Variants in EIF4A3 observed in about 807,000 individuals in gnomAD.
EIF4A3 encodes the protein eukaryotic translation initiation factor 4A3, also known as eukaryotic initiation factor 4A-III.
EIF4A3 carries 1 observed loss-of-function variant against 55.6 expected under a neutral mutation model. The observed-to-expected ratio is 0.02, with a 90% confidence interval of 0.01 to 0.09. The LOEUF is 0.09. EIF4A3 is among the 10% of genes least tolerant of loss of function. EIF4A3 has a pLI of 1.00. For synonymous variants in EIF4A3, 194 were observed against 196.3 expected, an observed-to-expected ratio of 0.99 and a Z score of 0.10; for missense variants, 221 against 540.7, an observed-to-expected ratio of 0.41 and a Z score of 5.86.
rs1162639530 is a variant in EIF4A3 at position 80,135,466 on chromosome 17, C to G, written c.*24G>C. 8 of 1,554,710 alleles carry G rather than the reference C, an allele frequency of 5.1e-6. No individual in the cohort carries two copies. Among genetic ancestry groups the G allele is most frequent in the Non-Finnish European group, 7.0e-6 (8 of 1,148,836 alleles). Reference sequence around the variant, plus strand: ...GGAGTACACAGCAGGTGAACAGTCTCCCTCATCCCACTGATCTGCTGCTTC... The same window carrying G: ...GGAGTACACAGCAGGTGAACAGTCTGCCTCATCCCACTGATCTGCTGCTTC... On this transcript the variant is annotated 3_prime_UTR_variant, in exon 12 of 12. Transcript: ENST00000649764.
intron 3 of EIF4A3, 129 bp from the exon 4 acceptor site, chr17:80,141,510 A>G: frequency 1.9e-6 from 2 of 1,033,058 alleles, no homozygotes; most frequent in Admixed American, 2.5e-5. Context: ...CTTACAGGTT[A>G]GCAAATATTG....
At chr17:80,140,674 A>G (rs137904372) in intron 4 of EIF4A3, among the ~76,000 whole-genome samples, 153 of 152,308 alleles carry the variant, frequency 1.0e-3, no homozygotes, top group African/African-American at 3.7e-3. Flanking sequence ...CAAAAGCTAT[A>G]TCATTAACAG....
chr17:80,143,200 G>T (rs910066281), intron 2 of EIF4A3, among the ~76,000 whole-genome samples: 2 of 152,158 alleles, frequency 1.3e-5, no homozygotes, highest in African/African-American at 4.8e-5. Flanking sequence ...AACACAGACA[G>T]TGGAACACAA....
At chr17:80,139,917 C>A in intron 5 of EIF4A3, 91 bp downstream of exon 5, 5 of 1,547,938 alleles carry the variant, frequency 3.2e-6, no homozygotes, top group Non-Finnish European at 4.4e-6. Flanking sequence ...GTCTACCGTG[C>A]GGCCTACCAA....
In EIF4A3 at chr17:80,136,346, A is replaced by G. The variant is rs779174157; in HGVS notation, c.984-11T>C. 6.2e-7 allele frequency: 1 copy of G among 1,607,842 alleles called. No individual in the cohort carries two copies. Among genetic ancestry groups the G allele is most frequent in the Non-Finnish European group, 8.5e-7 (1 of 1,175,382 alleles). ...GAAATAAGCACTCGGCTGCAAAAAG[A>G]AAGAGTGTTTGAGGCGATTAAATTA... On this transcript the variant is annotated splice_polypyrimidine_tract_variant and intron_variant, in intron 9 of 11. Coordinates refer to ENST00000649764, the MANE Select transcript of EIF4A3 (RefSeq NM_014740.4).
chr17:80,147,019 C>T lies in EIF4A3; in HGVS notation c.-58G>A, dbSNP rs2039672839. 1 of 1,423,154 alleles carries T rather than the reference C, an allele frequency of 7.0e-7. No homozygotes were observed. The highest frequency in any genetic ancestry group is 1.4e-5 in the South Asian group (1 of 72,214). 88.2% of individuals were successfully genotyped at this position (1,423,154 alleles called of 1,614,324 possible). ...CCGCTGCCGACCTCGCTGCCGCTGC[C>T]GACCTCGCTGTGCCGCTGCCGACCT... On this transcript the variant is annotated 5_prime_UTR_variant, in exon 1 of 12. Transcript: ENST00000649764.
In EIF4A3 at chr17:80,141,787, T is replaced by A; in HGVS notation, c.304A>T (p.Ile102Phe). 1 of 1,613,596 alleles carries A rather than the reference T, an allele frequency of 6.2e-7. No homozygotes were observed. Among genetic ancestry groups the A allele is most frequent in the Non-Finnish European group, 8.5e-7 (1 of 1,179,580 alleles). ...TTTTAAGAATGGCAAATTACCTGAA[T>A]ATCCAAACACTGGAGGACTGAGATA... ...FSISVLQCLD[I>F]QVRETQALIL... Residue 102 changes from isoleucine to phenylalanine, a missense_variant, in exon 3 of 12, where the codon ATT (isoleucine) becomes TTT (phenylalanine). Transcript: ENST00000649764.
At chr17:80,139,376 T>A in intron 6 of EIF4A3, 1 of 680,324 alleles carries the variant, frequency 1.5e-6, no homozygotes, top group South Asian at 2.1e-5. Flanking sequence ...GGGAATCTGG[T>A]TTCCCTTTGG....
At chr17:80,146,220 C>T (rs952204688) in intron 1 of EIF4A3, among the ~76,000 whole-genome samples, 4 of 144,082 alleles carry the variant, frequency 2.8e-5, no homozygotes, top group African/African-American at 7.7e-5. Context: ...GCTGTTCCTT[C>T]TGCCCCAACT....
chr17:80,138,511 T>C, intron 7 of EIF4A3: 1 of 507,650 alleles, frequency 2.0e-6, no homozygotes, highest in Non-Finnish European at 3.5e-6. Context: ...AATACGATTC[T>C]AAACGAAACA....
rs937378220 is a variant in EIF4A3, at chr17:80,135,320, TAAGAA to T, written c.*165_*169del. 1.1e-5 allele frequency: 7 copies of T among 637,080 alleles called. No individual in the cohort carries two copies. Among genetic ancestry groups the T allele is most frequent in the African/African-American group, 7.5e-5 (4 of 53,206 alleles). The allele number at this position is 637,080 out of a possible 1,614,324, so 39.5% of individuals were successfully genotyped here. ...GAACAATGTATTATTTACATGTAAA[TAAGAA>T]AAGAGAGCAGAATCCCCATATCCTC... On this transcript the variant is annotated 3_prime_UTR_variant, in exon 12 of 12. Coordinates refer to ENST00000649764, the MANE Select transcript of EIF4A3 (RefSeq NM_014740.4).
intron 5 of EIF4A3, 103 bp downstream of exon 5, chr17:80,139,905 A>C: frequency 6.5e-7 from 1 of 1,539,804 alleles, no homozygotes; most frequent in South Asian, 1.2e-5. Context: ...CCAGGTGCAA[A>C]AGTCTACCGT....
chr17:80,139,742 G>T lies in EIF4A3; in HGVS notation c.514C>A (p.Arg172Ser). The part of the protein sequence containing the change: ...GTPGRVFDMI[R>S]RRSLRTRAIK... ...GCACGTGTCCTTAGGCTTCTGCGAC[G>T]AATCATATCTATAACATGAGATTTT... The change falls in exon 6 of 12, where the codon CGT (arginine) becomes AGT (serine). Residue 172 changes from arginine to serine, a missense_variant. Arg to Ser is a moderately radical substitution (Grantham distance 110). Around this residue, in one of 4 missense-constraint regions of EIF4A3, gnomAD observed 85 missense variants for 205.8 expected, o/e 0.41. Transcript: ENST00000649764. 6.2e-7 allele frequency: 1 copy of T among 1,612,914 alleles called. No individual in the cohort carries two copies. Among genetic ancestry groups the T allele is most frequent in the South Asian group, 1.1e-5 (1 of 90,752 alleles).
At chr17:80,140,312 G>GA in intron 4 of EIF4A3, 172 bp from the exon 5 acceptor site, 2 of 747,706 alleles carry the variant, frequency 2.7e-6, no homozygotes, top group Non-Finnish European at 3.6e-6. Flanking sequence ...AGTTAATTTT[G>GA]CTTTTTTTTT....
rs2039672261 is a variant in EIF4A3 at position 80,147,002 on chromosome 17, G to A, written c.-41C>T. Reference sequence around the variant, plus strand: ...GAAGAGCACAGCGCGCGCCGCTGCCGACCTCGCTGCCGCTGCCGACCTCGC... The same window carrying A: ...GAAGAGCACAGCGCGCGCCGCTGCCAACCTCGCTGCCGCTGCCGACCTCGC... On this transcript the variant is annotated 5_prime_UTR_variant, in exon 1 of 12. Coordinates refer to ENST00000649764, the MANE Select transcript of EIF4A3 (RefSeq NM_014740.4). 6.8e-7 allele frequency: 1 copy of A among 1,470,078 alleles called. No homozygotes were observed. The highest frequency in any genetic ancestry group is 9.0e-7 in the Non-Finnish European group (1 of 1,108,704). 91.1% of individuals were successfully genotyped at this position (1,470,078 alleles called of 1,614,324 possible).
chr17:80,146,165 G>A (rs1014218833), intron 1 of EIF4A3, among the ~76,000 whole-genome samples: 16 of 152,152 alleles, frequency 1.1e-4, no homozygotes, highest in African/African-American at 3.9e-4. Context: ...ACTTCTTTCA[G>A]TTCCTGGAAT....
intron 6 of EIF4A3, 156 bp downstream of exon 6, chr17:80,139,514 A>C: frequency 1.4e-6 from 1 of 706,920 alleles, no homozygotes. Flanking sequence ...TCAAGGTAGG[A>C]ATTTTTTGTT....
chr17:80,138,658 A>G (rs771082651), intron 7 of EIF4A3: 3 of 332,844 alleles, frequency 9.0e-6, no homozygotes, highest in Non-Finnish European at 1.7e-5. Flanking sequence ...GTACAGTGGC[A>G]CAATCAAAGC....
chr17:80,142,718 C>T (rs1249021598), intron 2 of EIF4A3, among the ~76,000 whole-genome samples: 1 of 151,982 alleles, frequency 6.6e-6, no homozygotes, highest in African/African-American at 2.4e-5. Flanking sequence ...GCATTCCCGC[C>T]TGGGTGACGA....
Sources: allele counts gnomAD v4.1 joint callset (sites outside exome capture counted in the v4.1 genomes callset), GRCh38; gene constraint gnomAD v4.1.1; regional missense constraint gnomAD v4.1.1; transcripts MANE v1.5; gene names NCBI Gene and HGNC (gene_info 2026-07-23, HGNC 2026-07-21).